Variants in EGFLAM observed in about 807,000 individuals in gnomAD.
EGFLAM encodes the protein pikachurin.
In EGFLAM, 79 loss-of-function variants were observed where a neutral mutation model predicts 113.1. That is an observed-to-expected ratio of 0.70 (90% confidence interval 0.58 to 0.84). The LOEUF is 0.84. Among genes scored for constraint, EGFLAM ranks in the 40% least tolerant of loss-of-function variants. EGFLAM has a pLI of 0.00. For missense variants in EGFLAM, 1,265 were observed against 1,291.6 expected, an observed-to-expected ratio of 0.98 and a Z score of 0.32; for synonymous variants, 504 against 487.6, an observed-to-expected ratio of 1.03 and a Z score of -0.44.
chr5:38,260,128 A>C (rs1757462928), intron 1 of EGFLAM, among the ~76,000 whole-genome samples: 1 of 152,224 alleles, frequency 6.6e-6, no homozygotes. Flanking sequence ...CTTCAGTCCA[A>C]GGTAATATCA....
chr5:38,292,145 A>G (rs993119706), intron 1 of EGFLAM, among the ~76,000 whole-genome samples: 1 of 152,340 alleles, frequency 6.6e-6, no homozygotes. Context: ...TTTTCCCCCC[A>G]GATGTGCAGA....
chr5:38,436,292 C>T (rs1260218555), intron 16 of EGFLAM, among the ~76,000 whole-genome samples: 1 of 152,150 alleles, frequency 6.6e-6, no homozygotes, highest in Non-Finnish European at 1.5e-5. Flanking sequence ...TTAGCTTCAT[C>T]CTGTTTTCCT....
chr5:38,302,642 G>A (rs147241772), intron 1 of EGFLAM, among the ~76,000 whole-genome samples: 35 of 148,326 alleles, frequency 2.4e-4, no homozygotes, highest in East Asian at 1.6e-3. Context: ...AAGCACTTCC[G>A]CACACAGACT....
At chr5:38,281,748 C>G (rs1290860828) in intron 1 of EGFLAM, among the ~76,000 whole-genome samples, 1 of 152,140 alleles carries the variant, frequency 6.6e-6, no homozygotes, top group Non-Finnish European at 1.5e-5. Flanking sequence ...TTACCACCTT[C>G]TCCCAATAAA....
rs917750058 is a variant in EGFLAM, at chr5:38,331,169, C to T, written c.98-6351C>T. Among the ~76,000 whole-genome samples, 6 of 152,016 alleles carry T rather than the reference C, an allele frequency of 3.9e-5. No homozygotes were observed. The South Asian group carries it at 8.3e-4, about 21-fold the overall frequency. ...AGAGATTTCCCATATACTCCCTGTC[C>T]CCATGCATGCATAGACTCCCCCGTC... On this transcript the variant is annotated intron_variant, in intron 1 of 21. Coordinates refer to ENST00000322350, the MANE Select transcript of EGFLAM (RefSeq NM_152403.4).
chr5:38,399,277 G>GTTTTTTTTTTTTTTTTTTTTTTTTTTTTT (rs797021726), intron 6 of EGFLAM, among the ~76,000 whole-genome samples: 4 of 118,472 alleles, frequency 3.4e-5, no homozygotes, highest in Non-Finnish European at 5.3e-5. Flanking sequence ...TTTTGTTTTC[G>GTTTTTTTTTTTTTTTTTTTTTTTTTTTTT]TTTTTTTTTT....
At chr5:38,393,437 T>C (rs1740868069) in intron 6 of EGFLAM, among the ~76,000 whole-genome samples, 1 of 151,992 alleles carries the variant, frequency 6.6e-6, no homozygotes, top group East Asian at 1.9e-4. Flanking sequence ...AGTGGTTCGT[T>C]TTACTCAGCC....
At chr5:38,369,984 C>T (rs180933277) in intron 5 of EGFLAM, among the ~76,000 whole-genome samples, 102 of 152,308 alleles carry the variant, frequency 6.7e-4, no homozygotes, top group African/African-American at 2.4e-3. Flanking sequence ...ATCTGGAAGG[C>T]AGAGTCCTTG....
chr5:38,443,206 C>T (rs1322781145), intron 17 of EGFLAM, among the ~76,000 whole-genome samples: 2 of 152,202 alleles, frequency 1.3e-5, no homozygotes, highest in African/African-American at 4.8e-5. Context: ...GCAGAATTTG[C>T]AGTAAGCCGA....
intron 1 of EGFLAM, among the ~76,000 whole-genome samples, chr5:38,298,683 G>C (rs1016012405): frequency 4.6e-5 from 7 of 152,014 alleles, no homozygotes; most frequent in Admixed American, 1.3e-4. Context: ...TATTAAGCAT[G>C]GTTTTAAGTT....
chr5:38,462,024 C>A (rs530418609), intron 20 of EGFLAM, among the ~76,000 whole-genome samples: 5 of 151,968 alleles, frequency 3.3e-5, no homozygotes, highest in Non-Finnish European at 7.4e-5. Flanking sequence ...AAAAATTAGC[C>A]GGGCGAGGTG....
chr5:38,426,024 A>G lies in EGFLAM; in HGVS notation c.1810+932A>G, dbSNP rs368299981. On this transcript the variant is annotated intron_variant, in intron 13 of 21. Coordinates refer to ENST00000322350, the MANE Select transcript of EGFLAM (RefSeq NM_152403.4). ...AGGCTGAGGCAGGAGAATTGCTTGA[A>G]CCCAGGAGGCGGAGGTTGCAGTGAG... Among the ~76,000 whole-genome samples the G allele has an allele frequency of 6.6e-5, 10 of 151,558 alleles. No individual in the cohort carries two copies. In the South Asian group the frequency reaches 2.1e-3, roughly 32 times the overall value.
chr5:38,387,089 G>A (rs1299174965), intron 6 of EGFLAM, among the ~76,000 whole-genome samples: 1 of 152,228 alleles, frequency 6.6e-6, no homozygotes, highest in African/African-American at 2.4e-5. Flanking sequence ...TGAGAAACAA[G>A]AGAATTGGGC....
intron 6 of EGFLAM, among the ~76,000 whole-genome samples, chr5:38,405,493 T>C (rs1741255458): frequency 6.6e-6 from 1 of 152,192 alleles, no homozygotes; most frequent in South Asian, 2.1e-4. Flanking sequence ...GATTAAGCCA[T>C]GTTGATATAT....
chr5:38,362,210 G>A (rs1382994904), intron 5 of EGFLAM, among the ~76,000 whole-genome samples: 2 of 152,188 alleles, frequency 1.3e-5, no homozygotes, highest in Non-Finnish European at 2.9e-5. Context: ...ATCTCAAGAT[G>A]TGGTAAAGCT....
intron 16 of EGFLAM, among the ~76,000 whole-genome samples, chr5:38,436,507 G>A (rs1205232308): frequency 1.3e-5 from 2 of 152,104 alleles, no homozygotes; most frequent in Admixed American, 6.5e-5. Context: ...ACTGAAGTTC[G>A]AGGTCTGTGA....
chr5:38,324,609 T>A (rs1738829901), intron 1 of EGFLAM, among the ~76,000 whole-genome samples: 1 of 152,110 alleles, frequency 6.6e-6, no homozygotes, highest in Admixed American at 6.5e-5. Flanking sequence ...GTTTTAGAGG[T>A]TCCAATCCAA....
intron 1 of EGFLAM, chr5:38,305,445 G>A (rs2451018): frequency 0.31 from 138,537 of 452,926 alleles, 23,277 homozygotes; most frequent in African/African-American, 0.52. Context: ...GGTGTTGGAG[G>A]ATGACTGTCA....
At chr5:38,326,105 T>C (rs1738873332) in intron 1 of EGFLAM, among the ~76,000 whole-genome samples, 1 of 152,070 alleles carries the variant, frequency 6.6e-6, no homozygotes, top group South Asian at 2.1e-4. Flanking sequence ...CTCAGAACCT[T>C]CATGAGGGCT....
Sources: allele counts gnomAD v4.1 joint callset (sites outside exome capture counted in the v4.1 genomes callset), GRCh38; gene constraint gnomAD v4.1.1; transcripts MANE v1.5; gene names NCBI Gene and HGNC (gene_info 2026-07-23, HGNC 2026-07-21).